The following XKR9 variants were observed in gnomAD, a reference collection of about 807,000 sequenced individuals.
XKR9 encodes XK-related protein 9.
Under a neutral mutation model 32.0 loss-of-function variants are expected in XKR9, and 32 were observed. The ratio of observed to expected loss-of-function variants is 1.00; its 90% CI spans 0.76 to 1.34. The LOEUF (loss-of-function observed/expected upper bound fraction) is 1.34, where lower values mean the gene tolerates loss of function less well. XKR9 is among the 40% of genes most tolerant of loss of function. The pLI is 0.00. For missense variants in XKR9, 546 were observed against 429.7 expected, an observed-to-expected ratio of 1.27 and a Z score of -2.39; for synonymous variants, 168 against 143.4, an observed-to-expected ratio of 1.17 and a Z score of -1.22.
chr8:70,687,334 C>CTTTCTTTCTT (rs1369487484), intron 3 of XKR9, among the ~76,000 whole-genome samples: 1 of 148,852 alleles, frequency 6.7e-6, no homozygotes, highest in Non-Finnish European at 1.5e-5. Flanking sequence ...TTCTTTCTTT[C>CTTTCTTTCTT]TTTCTTTCTT....
At chr8:71,054,957 G>C in the XKR9 span, among the ~76,000 whole-genome samples, 1 of 152,128 alleles carries the variant, frequency 6.6e-6, no homozygotes, top group African/African-American at 2.4e-5. Context: ...CTATATTTGG[G>C]TGAGCTAAAG....
chr8:70,748,592 G>T (rs62532065), intron 2 of XKR9, among the ~76,000 whole-genome samples: 11,050 of 152,272 alleles, frequency 0.073, 474 homozygotes, highest in Non-Finnish European at 0.089. Flanking sequence ...AGGTCTGCAG[G>T]TGCCCCTTGG....
the XKR9 span, among the ~76,000 whole-genome samples, chr8:70,868,758 C>A: frequency 1.3e-5 from 2 of 152,198 alleles, no homozygotes; most frequent in South Asian, 2.1e-4. Context: ...GCTTAAATTT[C>A]TCCTAATAAA....
the XKR9 span, among the ~76,000 whole-genome samples, chr8:71,010,762 T>C: frequency 6.6e-6 from 1 of 152,194 alleles, no homozygotes; most frequent in Non-Finnish European, 1.5e-5. Context: ...TCTTCTTTCT[T>C]GCCCCAGGCT....
the XKR9 span, among the ~76,000 whole-genome samples, chr8:70,946,305 T>A: frequency 6.6e-6 from 1 of 152,068 alleles, no homozygotes; most frequent in African/African-American, 2.4e-5. Context: ...TCAAATATTA[T>A]ACTTTTGTCC....
At chr8:70,697,750 G>T (rs1216693403) in intron 3 of XKR9, among the ~76,000 whole-genome samples, 2 of 152,068 alleles carry the variant, frequency 1.3e-5, no homozygotes, top group African/African-American at 4.8e-5. Flanking sequence ...AATAGTTTCA[G>T]AAGGAATGGT....
chr8:71,001,224 G>A, the XKR9 span, among the ~76,000 whole-genome samples: 127 of 152,230 alleles, frequency 8.3e-4, no homozygotes, highest in Non-Finnish European at 1.2e-3. Flanking sequence ...GCATGGGATC[G>A]AAGGTCTAGC....
rs114350052 is a variant in XKR9, at chr8:70,747,845, A to G, written n.352+40692A>G. On this transcript the variant is annotated intron_variant and non_coding_transcript_variant, in intron 2 of 3. Transcript: ENST00000520273. ...CATTATTTTTTGGATGACATTTATG[A>G]GTCATTTAAGACCCAGTTTCTGCAT... Among the ~76,000 whole-genome samples the G allele has an allele frequency of 6.4e-3, 971 of 152,268 alleles. 11 individuals are homozygous for G. Among genetic ancestry groups the G allele is most frequent in the African/African-American group, 0.021 (886 of 41,560 alleles).
chr8:70,736,977 T>G (rs1402642708), downstream of XKR9, among the ~76,000 whole-genome samples: 2 of 149,076 alleles, frequency 1.3e-5, no homozygotes, highest in Non-Finnish European at 2.9e-5. Flanking sequence ...ATATGAACTT[T>G]AAAGTAGTTT....
In XKR9 at chr8:70,696,248, G is replaced by T. The variant is rs1324789458; in HGVS notation, c.273-10685G>T. Reference sequence around the variant, plus strand: ...TTGCTTTTGGTGTTTTAGACATGAAGTCCTTGCCCATGCCTATGTCCTGAA... The same window carrying T: ...TTGCTTTTGGTGTTTTAGACATGAATTCCTTGCCCATGCCTATGTCCTGAA... On this transcript the variant is annotated intron_variant, in intron 3 of 4. Transcript: ENST00000408926. Among the ~76,000 whole-genome samples the T allele has an allele frequency of 1.2e-4, 18 of 152,276 alleles. No individual in the cohort carries two copies. In the South Asian group the frequency reaches 1.7e-3, roughly 14 times the overall value.
chr8:70,820,653 TAAAATC>T, the XKR9 span, among the ~76,000 whole-genome samples: 1 of 152,134 alleles, frequency 6.6e-6, no homozygotes. Context: ...TTAGGAAACT[TAAAATC>T]ATGGCGGAAG....
the XKR9 span, among the ~76,000 whole-genome samples, chr8:70,977,948 A>T: frequency 6.6e-6 from 1 of 152,058 alleles, no homozygotes; most frequent in Non-Finnish European, 1.5e-5. Context: ...ATTTAGGGTA[A>T]TTAGCTCTTC....
chr8:71,061,648 AAG>A, the XKR9 span, among the ~76,000 whole-genome samples: 2 of 151,998 alleles, frequency 1.3e-5, no homozygotes, highest in Non-Finnish European at 2.9e-5. Context: ...CAGAGAGAGA[AAG>A]AGAGAGAGAG....
the XKR9 span, among the ~76,000 whole-genome samples, chr8:70,978,063 C>CT: frequency 6.6e-6 from 1 of 152,174 alleles, no homozygotes; most frequent in Admixed American, 6.5e-5. Context: ...GCAACCCATG[C>CT]TTTTTTTGCT....
chr8:70,673,903 C>G (rs1470234896), intron 1 of XKR9, among the ~76,000 whole-genome samples: 2 of 152,128 alleles, frequency 1.3e-5, no homozygotes, highest in African/African-American at 4.8e-5. Flanking sequence ...TTATTATCTA[C>G]TTACAACATG....
intron 3 of XKR9, among the ~76,000 whole-genome samples, chr8:70,687,279 A>C (rs1446129686): frequency 6.6e-6 from 1 of 151,798 alleles, no homozygotes; most frequent in Non-Finnish European, 1.5e-5. Context: ...ACGTAGTTGC[A>C]AATGAAAATG....
the XKR9 span, among the ~76,000 whole-genome samples, chr8:70,882,990 T>C: frequency 6.6e-6 from 1 of 151,674 alleles, no homozygotes; most frequent in South Asian, 2.1e-4. Flanking sequence ...GTTTTAAAAA[T>C]TTCAGTAGTT....
chr8:70,966,423 T>C, the XKR9 span, among the ~76,000 whole-genome samples: 1 of 152,196 alleles, frequency 6.6e-6, no homozygotes, highest in African/African-American at 2.4e-5. Context: ...AATTTTTTTC[T>C]TTTGTATTTT....
the XKR9 span, among the ~76,000 whole-genome samples, chr8:70,890,096 C>G: frequency 3.7e-4 from 56 of 151,898 alleles, no homozygotes; most frequent in African/African-American, 1.2e-3. Context: ...TGTTTTTTGA[C>G]TTTTTAATGA....
Sources: allele counts gnomAD v4.1 joint callset (sites outside exome capture counted in the v4.1 genomes callset), GRCh38; gene constraint gnomAD v4.1.1; transcripts MANE v1.5; gene names NCBI Gene and HGNC (gene_info 2026-07-23, HGNC 2026-07-21).